The following SYN3 variants were observed in gnomAD, a reference collection of about 807,000 sequenced individuals.
The protein encoded by SYN3 is synapsin-3.
In SYN3, 35 loss-of-function variants were observed where a neutral mutation model predicts 65.8. The observed-to-expected ratio is 0.53, with a 90% CI of 0.41 to 0.70. The LOEUF (loss-of-function observed/expected upper bound fraction) is 0.70, where lower values mean the gene tolerates loss of function less well. SYN3 is among the 30% of genes least tolerant of loss of function. SYN3 has a pLI of 0.00. For synonymous variants in SYN3, 270 were observed against 292.9 expected (o/e 0.92, Z 0.80); for missense variants, 680 against 749.0 (o/e 0.91, Z 1.08).
intron 2 of SYN3, among the ~76,000 whole-genome samples, chr22:32,983,353 T>C (rs1028312678): frequency 6.6e-6 from 1 of 152,244 alleles, no homozygotes; most frequent in African/African-American, 2.4e-5. Flanking sequence ...CCTTGGAAGA[T>C]GGATGTCATC....
At position 32,531,439 on chromosome 22, in the gene SYN3, C is replaced by A. The variant is rs187901366; in HGVS notation, c.1095+2354G>T. 5.3e-5 allele frequency among the ~76,000 whole-genome samples: 8 copies of A among 152,282 alleles called. No individual in the cohort carries two copies. The East Asian group carries it at 1.2e-3, about 22-fold the overall frequency. ...AGTGGAAAACAGCCACCGCAAGGAA[C>A]CTGAGGTTCATTTTGGAATCCCCAC... is the stretch of plus-strand genomic sequence containing the variant. On this transcript the variant is annotated intron_variant, in intron 10 of 13. Transcript: ENST00000358763.
intron 1 of SYN3, among the ~76,000 whole-genome samples, chr22:33,034,139 T>C (rs2053808593): frequency 2.0e-5 from 3 of 149,150 alleles, no homozygotes; most frequent in South Asian, 4.5e-4. Context: ...TGAGTCGAGA[T>C]TGTGCCACTG....
At chr22:32,634,187 GT>G (rs1393764606) in intron 6 of SYN3, among the ~76,000 whole-genome samples, 1 of 152,162 alleles carries the variant, frequency 6.6e-6, no homozygotes, top group Non-Finnish European at 1.5e-5. Flanking sequence ...TATTATCCCT[GT>G]TGTATAGATA....
rs192052699 is a variant in SYN3 at position 32,834,893 on chromosome 22, A to G, written c.711+30022T>C. 1.8e-3 allele frequency among the ~76,000 whole-genome samples: 280 copies of G among 152,302 alleles called. 1 individual carries two copies. Among genetic ancestry groups the G allele is most frequent in the African/African-American group, 6.6e-3 (273 of 41,560 alleles). On this transcript the variant is annotated intron_variant, in intron 6 of 13. Transcript: ENST00000358763. ...CCTAAAGAATCCTCCATTCAAGCTT[A>G]TATCTGTCACCCAGGGAACTGGACA...
chr22:32,881,439 C>T (rs1400272172), intron 4 of SYN3, among the ~76,000 whole-genome samples: 1 of 152,206 alleles, frequency 6.6e-6, no homozygotes, highest in Non-Finnish European at 1.5e-5. Flanking sequence ...TATCAGCTCG[C>T]TCAGCAGGAA....
chr22:32,757,508 G>A (rs887014362), intron 6 of SYN3, among the ~76,000 whole-genome samples: 2 of 152,030 alleles, frequency 1.3e-5, no homozygotes, highest in Non-Finnish European at 2.9e-5. Context: ...TGTTGGTCAG[G>A]CTGGTCTCTA....
rs552462749 is a variant in SYN3 at position 32,791,756 on chromosome 22, T to C, written c.711+73159A>G. ...CGGATGTGAAAAGGGATGGCAACGA[T>C]GATCTCATCTACCTCATGGCTTTTG... On this transcript the variant is annotated intron_variant, in intron 6 of 13. Transcript: ENST00000358763. Among the ~76,000 whole-genome samples, 6 of 152,080 alleles carry C rather than the reference T, an allele frequency of 3.9e-5. No individual in the cohort carries two copies. The East Asian group carries it at 5.8e-4, about 15-fold the overall frequency.
chr22:32,876,735 T>C (rs903900665), intron 4 of SYN3, among the ~76,000 whole-genome samples: 10 of 152,172 alleles, frequency 6.6e-5, no homozygotes, highest in African/African-American at 2.4e-4. Flanking sequence ...TCATGTGACA[T>C]AAAACAATAG....
At chr22:32,975,571 C>T (rs749704259) in intron 3 of SYN3, among the ~76,000 whole-genome samples, 10 of 152,050 alleles carry the variant, frequency 6.6e-5, no homozygotes, top group African/African-American at 1.4e-4. Flanking sequence ...GGATTACAGG[C>T]GTGAGCTACT....
intron 6 of SYN3, among the ~76,000 whole-genome samples, chr22:32,750,460 A>C (rs2045082327): frequency 6.6e-6 from 1 of 152,152 alleles, no homozygotes; most frequent in African/African-American, 2.4e-5. Context: ...CCCCTTCTGC[A>C]TCATGGGGAT....
intron 6 of SYN3, among the ~76,000 whole-genome samples, chr22:32,607,061 C>T (rs1247736765): frequency 6.9e-6 from 1 of 144,286 alleles, no homozygotes; most frequent in Non-Finnish European, 1.5e-5. Flanking sequence ...CTTCCTGTGT[C>T]CATGTCTGCA....
At chr22:33,040,210 A>G (rs2053938414) in intron 1 of SYN3, among the ~76,000 whole-genome samples, 1 of 151,968 alleles carries the variant, frequency 6.6e-6, no homozygotes, top group Admixed American at 6.6e-5. Context: ...GTTAGCCAGG[A>G]TGGTCTCAAT....
At chr22:33,028,827 T>C (rs1434856602) in intron 1 of SYN3, among the ~76,000 whole-genome samples, 1 of 151,948 alleles carries the variant, frequency 6.6e-6, no homozygotes, top group Admixed American at 6.6e-5. Context: ...GATCACGAGG[T>C]CAGGAGATCG....
chr22:32,758,822 T>C (rs2045372085), intron 6 of SYN3, among the ~76,000 whole-genome samples: 1 of 150,920 alleles, frequency 6.6e-6, no homozygotes, highest in Non-Finnish European at 1.5e-5. Context: ...TTTTCACCTA[T>C]ATGGTGTCTG....
rs1160292400 is a variant in SYN3, at chr22:32,801,538, G to T, written c.711+63377C>A. 6.6e-6 allele frequency among the ~76,000 whole-genome samples: 1 copy of T among 152,186 alleles called. No individual in the cohort carries two copies. Among genetic ancestry groups the T allele is most frequent in the Non-Finnish European group, 1.5e-5 (1 of 68,026 alleles). ...TCCCTATAAGGATCTGAACGATCCG[G>T]GGGCGGCCCCGCCCCGTTACCCCTT... On this transcript the variant is annotated intron_variant, in intron 6 of 13. Coordinates refer to ENST00000358763, the MANE Select transcript of SYN3 (RefSeq NM_003490.4). This position sits in a 1 kb window ranked among gnomAD's most constrained non-coding sequence, Gnocchi z 4.7.
In SYN3 at chr22:32,965,483, T is replaced by C. The variant is rs563292185; in HGVS notation, c.369+15162A>G. ...TCCTGCCAGCCTCCCCACCACAGTC[T>C]ACCATAGCACTGTGTACCCTACTTT... is the stretch of plus-strand genomic sequence containing the variant. On this transcript the variant is annotated intron_variant, in intron 3 of 13. Coordinates refer to ENST00000358763, the MANE Select transcript of SYN3 (RefSeq NM_003490.4). Among the ~76,000 whole-genome samples, 22 of 152,224 alleles carry C rather than the reference T, an allele frequency of 1.4e-4. No homozygotes were observed. In the East Asian group the frequency reaches 3.7e-3, roughly 25 times the overall value.
At chr22:32,600,653 C>A (rs2059268379) in intron 6 of SYN3, among the ~76,000 whole-genome samples, 1 of 151,826 alleles carries the variant, frequency 6.6e-6, no homozygotes, top group Non-Finnish European at 1.5e-5. Context: ...TAAACAAAGA[C>A]CCATAGGAAG....
intron 2 of SYN3, among the ~76,000 whole-genome samples, chr22:32,989,064 A>G (rs1455305149): frequency 6.6e-6 from 1 of 152,212 alleles, no homozygotes; most frequent in Non-Finnish European, 1.5e-5. Flanking sequence ...AGAATGTGCT[A>G]GCAAATGAGC....
chr22:32,830,954 T>TG (rs1348175410), intron 6 of SYN3, among the ~76,000 whole-genome samples: 1 of 151,508 alleles, frequency 6.6e-6, no homozygotes, highest in Non-Finnish European at 1.5e-5. Context: ...AAAATGTGTG[T>TG]TTTTTTTTCC....
Sources: gnomAD v4.1 joint callset for allele counts (sites outside exome capture counted in the v4.1 genomes callset) on GRCh38, gnomAD v4.1.1 for gene constraint, Gnocchi (gnomAD v3.1) non-coding constraint, MANE v1.5 for transcripts, NCBI Gene and HGNC (gene_info 2026-07-23, HGNC 2026-07-21) for gene names.